The following ZNF385D variants were observed in gnomAD, a reference collection of about 807,000 sequenced individuals.
ZNF385D encodes zinc finger protein 659.
In ZNF385D, 15 loss-of-function variants were observed where a neutral mutation model predicts 35.8. The observed-to-expected ratio is 0.42, with a 90% CI of 0.28 to 0.64. The LOEUF is 0.64. Among genes scored for constraint, ZNF385D ranks in the 30% least tolerant of loss-of-function variants. ZNF385D has a pLI of 0.23. For synonymous variants in ZNF385D, 212 were observed against 186.8 expected (o/e 1.13, Z -1.10); for missense variants, 474 against 494.6 (o/e 0.96, Z 0.39).
rs1411377348 is a variant in ZNF385D at position 21,778,937 on chromosome 3, G to C, written c.326-113909C>G. On this transcript the variant is annotated intron_variant, in intron 3 of 5. Coordinates refer to the ZNF385D transcript ENST00000494108. ...CTATTAATATCCCTGCTTTTCTAAA[G>C]ACAACAAACCTAGCCTGTTACAGCA... Among the ~76,000 whole-genome samples the C allele has an allele frequency of 3.3e-5, 5 of 152,076 alleles. No individual in the cohort carries two copies. The East Asian group carries it at 9.7e-4, about 30-fold the overall frequency.
chr3:21,455,787 T>G (rs1263801570), intron 4 of ZNF385D, among the ~76,000 whole-genome samples: 1 of 151,964 alleles, frequency 6.6e-6, no homozygotes, highest in Non-Finnish European at 1.5e-5. Flanking sequence ...GAAACTACCA[T>G]CAGAGTGAAC....
chr3:22,281,687 C>A (rs1447577484), intron 2 of ZNF385D, among the ~76,000 whole-genome samples: 1 of 151,684 alleles, frequency 6.6e-6, no homozygotes. Context: ...ATCAGGAACA[C>A]TGGTGTGTAC....
chr3:22,144,674 C>G lies in ZNF385D; in HGVS notation c.325+24143G>C, dbSNP rs116449761. Among the ~76,000 whole-genome samples the G allele has an allele frequency of 7.8e-3, 1,179 of 150,698 alleles. 14 individuals carry two copies. Among genetic ancestry groups the G allele is most frequent in the African/African-American group, 0.027 (1,113 of 41,030 alleles). On this transcript the variant is annotated intron_variant, in intron 3 of 5. Coordinates refer to the ZNF385D transcript ENST00000494108. Reference sequence around the variant, plus strand: ...AGTTAGTCATCATTAGTAGATATCACCAATAGTACATAGTGATCAGCAGTA... The same window carrying G: ...AGTTAGTCATCATTAGTAGATATCAGCAATAGTACATAGTGATCAGCAGTA...
Position 22,172,339 on chromosome 3 carries a change from G to C in ZNF385D, c.107-3304C>G, listed in dbSNP as rs150889442. Among the ~76,000 whole-genome samples the C allele has an allele frequency of 1.3e-3, 203 of 152,248 alleles. 1 individual carries two copies. The highest frequency in any genetic ancestry group is 4.6e-3 in the African/African-American group (193 of 41,538). ...CTGATTTACTCTTGCAGACTCACAGGAATAATTAAAATGTGGCACACATAA... is the reference window on the plus strand; with the variant it reads ...CTGATTTACTCTTGCAGACTCACAGCAATAATTAAAATGTGGCACACATAA... On this transcript the variant is annotated intron_variant, in intron 2 of 5. Coordinates refer to the ZNF385D transcript ENST00000494108.
chr3:21,964,439 A>G (rs1216830324), intron 3 of ZNF385D, among the ~76,000 whole-genome samples: 2 of 144,706 alleles, frequency 1.4e-5, no homozygotes, highest in African/African-American at 2.5e-5. Flanking sequence ...AAAAGAAAAA[A>G]AAAAAAAGAA....
chr3:22,089,925 G>A (rs1339230667), intron 3 of ZNF385D, among the ~76,000 whole-genome samples: 1 of 152,048 alleles, frequency 6.6e-6, no homozygotes, highest in Non-Finnish European at 1.5e-5. Flanking sequence ...TGAAACCTCT[G>A]CCTCCTGGGT....
chr3:21,435,255 A>ATTTTTT (rs3064965), intron 5 of ZNF385D, among the ~76,000 whole-genome samples: 35 of 113,404 alleles, frequency 3.1e-4, no homozygotes, highest in Admixed American at 1.9e-3. Context: ...ACAACTCCCA[A>ATTTTTT]TTTTTTTTTT....
At chr3:21,428,815 C>G (rs1334309172) in intron 5 of ZNF385D, among the ~76,000 whole-genome samples, 1 of 151,954 alleles carries the variant, frequency 6.6e-6, no homozygotes, top group Admixed American at 6.6e-5. Flanking sequence ...TTTCTTTTAT[C>G]ACCTTTAAAA....
chr3:22,114,175 T>C (rs1467582880), intron 3 of ZNF385D, among the ~76,000 whole-genome samples: 2 of 152,064 alleles, frequency 1.3e-5, no homozygotes, highest in African/African-American at 4.8e-5. Flanking sequence ...TGTTAAAGAC[T>C]AAGTGAAAAT....
intron 3 of ZNF385D, among the ~76,000 whole-genome samples, chr3:21,886,746 T>A (rs13319097): frequency 6.6e-6 from 1 of 152,190 alleles, no homozygotes; most frequent in Non-Finnish European, 1.5e-5. Flanking sequence ...GCTGATGGGA[T>A]TTGAGTTCAA....
At chr3:21,511,714 T>G (rs1707222284) in intron 3 of ZNF385D, 2 of 456,542 alleles carry the variant, frequency 4.4e-6, no homozygotes, top group Admixed American at 2.3e-5. Context: ...CCAGTGTGTT[T>G]GTACTACCTA....
At chr3:21,622,899 C>T (rs2065044380) in intron 2 of ZNF385D, among the ~76,000 whole-genome samples, 1 of 152,012 alleles carries the variant, frequency 6.6e-6, no homozygotes, top group African/African-American at 2.4e-5. Context: ...AAAGGAGAAT[C>T]ACATTTCTAT....
chr3:21,813,480 G>C (rs1380591177), intron 3 of ZNF385D, among the ~76,000 whole-genome samples: 2 of 152,162 alleles, frequency 1.3e-5, no homozygotes, highest in Non-Finnish European at 1.5e-5. Flanking sequence ...TGGCTAACTA[G>C]AATCAACAGT....
chr3:21,753,766 G>T (rs1002350477), upstream of ZNF385D, among the ~76,000 whole-genome samples: 119 of 148,050 alleles, frequency 8.0e-4, 1 homozygote, highest in African/African-American at 2.6e-3. Flanking sequence ...CAACTTTGGT[G>T]GTTGTTGTTG....
upstream of ZNF385D, among the ~76,000 whole-genome samples, chr3:21,752,159 G>A (rs766042071): frequency 6.6e-6 from 1 of 151,980 alleles, no homozygotes; most frequent in Non-Finnish European, 1.5e-5. Context: ...ATATTAGAAA[G>A]AAATCCCTGA....
intron 3 of ZNF385D, among the ~76,000 whole-genome samples, chr3:21,925,824 CA>C (rs1181155283): frequency 1.3e-5 from 2 of 151,756 alleles, no homozygotes; most frequent in Non-Finnish European, 2.9e-5. Flanking sequence ...GGCAAAAGAC[CA>C]AAAAACACCT....
At chr3:22,270,707 T>C (rs950262549) in intron 2 of ZNF385D, among the ~76,000 whole-genome samples, 1 of 151,672 alleles carries the variant, frequency 6.6e-6, no homozygotes, top group Admixed American at 6.6e-5. Context: ...TGATTTGTGC[T>C]TTTTTTTACT....
chr3:21,504,915 G>T (rs1394986833), intron 4 of ZNF385D, among the ~76,000 whole-genome samples: 1 of 152,154 alleles, frequency 6.6e-6, no homozygotes, highest in South Asian at 2.1e-4. Context: ...GAACATGGTT[G>T]TCAAGACACA....
intron 3 of ZNF385D, among the ~76,000 whole-genome samples, chr3:21,512,175 G>T (rs1401443572): frequency 6.8e-6 from 1 of 146,692 alleles, no homozygotes. Flanking sequence ...GAAGTACATA[G>T]AGATAGAAAG....
Sources: gnomAD v4.1 joint callset for allele counts (sites outside exome capture counted in the v4.1 genomes callset) on GRCh38, gnomAD v4.1.1 for gene constraint, MANE v1.5 for transcripts, NCBI Gene and HGNC (gene_info 2026-07-23, HGNC 2026-07-21) for gene names.